Variants in PGM5 observed in about 807,000 individuals in gnomAD.
PGM5 encodes phosphoglucomutase-like protein 5.
In PGM5, 23 loss-of-function variants were observed where a neutral mutation model predicts 59.2. The ratio of observed to expected loss-of-function variants is 0.39; its 90% CI spans 0.28 to 0.55. The LOEUF (loss-of-function observed/expected upper bound fraction) is 0.55, where lower values mean the gene tolerates loss of function less well. Among genes scored for constraint, PGM5 ranks in the 20% least tolerant of loss-of-function variants. The probability of loss-of-function intolerance (pLI) is 0.66; values close to 1 mark genes in which losing one functional copy is unlikely to be tolerated. For synonymous variants in PGM5, 214 were observed against 286.0 expected, an observed-to-expected ratio of 0.75 and a Z score of 2.54; for missense variants, 574 against 748.3, an observed-to-expected ratio of 0.77 and a Z score of 2.72.
At chr9:68,393,306 A>G (rs1311340768) in intron 6 of PGM5, among the ~76,000 whole-genome samples, 2 of 150,808 alleles carry the variant, frequency 1.3e-5, no homozygotes, top group African/African-American at 4.9e-5. Flanking sequence ...CATATACATT[A>G]TATGCATATA....
intron 7 of PGM5, among the ~76,000 whole-genome samples, chr9:68,469,348 AAT>A (rs551913305): frequency 2.3e-4 from 34 of 150,464 alleles, no homozygotes; most frequent in Middle Eastern, 3.4e-3. Context: ...TCACAGAAAT[AAT>A]AGTGTTTTTT....
chr9:68,425,401 A>G (rs1265759879), intron 6 of PGM5, among the ~76,000 whole-genome samples: 2 of 152,216 alleles, frequency 1.3e-5, no homozygotes, highest in African/African-American at 4.8e-5. Context: ...GGAGATTCCC[A>G]GGAGCTATTG....
chr9:68,421,845 T>G (rs577679710), intron 6 of PGM5, among the ~76,000 whole-genome samples: 15 of 151,858 alleles, frequency 9.9e-5, no homozygotes, highest in Non-Finnish European at 2.1e-4. Context: ...TAGTACAATT[T>G]GTAGAGAAGA....
intron 8 of PGM5, among the ~76,000 whole-genome samples, 156 bp downstream of exon 8, chr9:68,479,709 C>T (rs532192561): frequency 5.9e-5 from 9 of 152,082 alleles, no homozygotes; most frequent in East Asian, 1.9e-4. Flanking sequence ...CCGAGGTGGG[C>T]GGATCACGAG....
At chr9:68,528,788 G>A (rs749971646) in intron 10 of PGM5, among the ~76,000 whole-genome samples, 16 of 152,134 alleles carry the variant, frequency 1.1e-4, no homozygotes, top group Non-Finnish European at 1.3e-4. Flanking sequence ...ATTGAAGAAC[G>A]GAAAATAGAC....
chr9:68,494,086 G>C (rs1824443284), intron 9 of PGM5, among the ~76,000 whole-genome samples: 1 of 152,168 alleles, frequency 6.6e-6, no homozygotes. Context: ...TTCTAATAAA[G>C]GAGAGCATAT....
intron 6 of PGM5, among the ~76,000 whole-genome samples, chr9:68,412,589 C>A (rs1822953033): frequency 6.6e-6 from 1 of 152,172 alleles, no homozygotes; most frequent in African/African-American, 2.4e-5. Flanking sequence ...ACAGGAATTT[C>A]TAGATCATCT....
At chr9:68,477,209 C>T (rs1824122319) in intron 7 of PGM5, among the ~76,000 whole-genome samples, 1 of 152,178 alleles carries the variant, frequency 6.6e-6, no homozygotes, top group South Asian at 2.1e-4. Flanking sequence ...CACAACTGGA[C>T]ATCCAACAGT....
chr9:68,462,528 G>C (rs934358298), intron 6 of PGM5, among the ~76,000 whole-genome samples: 1 of 152,036 alleles, frequency 6.6e-6, no homozygotes, highest in African/African-American at 2.4e-5. Context: ...AAAAGTATCC[G>C]GTCCTTTAAA....
At chr9:68,463,285 A>G (rs1334799515) in intron 6 of PGM5, among the ~76,000 whole-genome samples, 1 of 151,962 alleles carries the variant, frequency 6.6e-6, no homozygotes, top group Non-Finnish European at 1.5e-5. Context: ...TTCTTTCTCA[A>G]GACCCTCATT....
At chr9:68,514,220 C>G (rs1187750018) in intron 10 of PGM5, among the ~76,000 whole-genome samples, 2 of 152,064 alleles carry the variant, frequency 1.3e-5, no homozygotes, top group African/African-American at 4.8e-5. Flanking sequence ...AAAGTGCCAT[C>G]TACTCAGGAG....
At chr9:68,422,012 CTT>C (rs782020432) in intron 6 of PGM5, among the ~76,000 whole-genome samples, 69 of 151,678 alleles carry the variant, frequency 4.5e-4, no homozygotes, top group Non-Finnish European at 6.9e-4. Flanking sequence ...ATGAAGATCA[CTT>C]TTATTTATTT....
At chr9:68,463,832 T>C (rs549857094) in intron 6 of PGM5, among the ~76,000 whole-genome samples, 3 of 152,290 alleles carry the variant, frequency 2.0e-5, no homozygotes, top group Admixed American at 1.3e-4. Context: ...CTCTGACATA[T>C]GACGGTTCAA....
chr9:68,524,100 A>T (rs1824935801), intron 10 of PGM5, among the ~76,000 whole-genome samples: 1 of 152,172 alleles, frequency 6.6e-6, no homozygotes, highest in Admixed American at 6.5e-5. Context: ...CTTTCCAGGG[A>T]GTATGGACAA....
chr9:68,500,353 A>C (rs1219978024), intron 10 of PGM5, among the ~76,000 whole-genome samples: 5 of 151,928 alleles, frequency 3.3e-5, no homozygotes, highest in Non-Finnish European at 7.4e-5. Context: ...AGAGTCTCAA[A>C]GAACTTGGCA....
intron 6 of PGM5, among the ~76,000 whole-genome samples, chr9:68,461,555 G>C (rs1823858904): frequency 6.6e-6 from 1 of 152,240 alleles, no homozygotes; most frequent in East Asian, 1.9e-4. Flanking sequence ...GGGCCTTTAA[G>C]AGGTGTTCAG....
Position 68,391,538 on chromosome 9 carries a change from G to A in PGM5, c.702G>A (p.Met234Ile). Residue 234 changes from methionine (M) to isoleucine (I), a missense_variant, in exon 5 of 11, where the codon ATG (methionine) becomes ATA (isoleucine). By Grantham distance (10) the Met-to-Ile change is conservative (BLOSUM62 1). Around this residue, in one of 7 missense-constraint regions of PGM5, gnomAD observed 8 missense variants for 28.2 expected, o/e 0.28. Coordinates refer to ENST00000396396, the MANE Select transcript of PGM5 (RefSeq NM_021965.4). ...TTGCTGTGTATCTATTTTTAGTTATGGGACCTTATGTGAGAAAAGTTCTGT... is the reference window on the plus strand; with the variant it reads ...TTGCTGTGTATCTATTTTTAGTTATAGGACCTTATGTGAGAAAAGTTCTGT... The part of the protein sequence containing the change: ...KIRIDAMHGV[M>I]GPYVRKVLCD... 1 of 1,613,148 alleles carries A rather than the reference G, an allele frequency of 6.2e-7. No homozygotes were observed.
chr9:68,479,769 C>T (rs1824163906), intron 8 of PGM5, among the ~76,000 whole-genome samples: 1 of 152,052 alleles, frequency 6.6e-6, no homozygotes. Context: ...CCCGTCTCTA[C>T]TAAAAATACA....
chr9:68,496,105 C>CA, intron 9 of PGM5, among the ~76,000 whole-genome samples: 1 of 152,284 alleles, frequency 6.6e-6, no homozygotes, highest in Admixed American at 6.5e-5. Flanking sequence ...TAGTGCCAAC[C>CA]CCTAGTATAA....
Sources: gnomAD v4.1 joint callset for allele counts (sites outside exome capture counted in the v4.1 genomes callset) on GRCh38, gnomAD v4.1.1 for gene constraint, gnomAD v4.1.1 regional missense constraint, MANE v1.5 for transcripts, NCBI Gene and HGNC (gene_info 2026-07-23, HGNC 2026-07-21) for gene names.